Variants in PRKCZ observed in about 807,000 individuals in gnomAD.
The protein encoded by PRKCZ is protein kinase C zeta type.
In PRKCZ, 33 loss-of-function variants were observed where a neutral mutation model predicts 79.5. The ratio of observed to expected loss-of-function variants is 0.41; its 90% CI spans 0.31 to 0.55. The LOEUF (loss-of-function observed/expected upper bound fraction) is 0.55. Among genes scored for constraint, PRKCZ ranks in the 20% least tolerant of loss-of-function variants. The pLI, the probability that PRKCZ is intolerant of heterozygous loss-of-function variation, is 0.19. For missense variants in PRKCZ, 578 were observed against 813.5 expected (o/e 0.71, Z 3.52); for synonymous variants, 342 against 320.9 (o/e 1.07, Z -0.70).
At chr1:2,070,879 T>A (rs1322575442) in intron 4 of PRKCZ, among the ~76,000 whole-genome samples, 1 of 151,990 alleles carries the variant, frequency 6.6e-6, no homozygotes, top group Non-Finnish European at 1.5e-5. Flanking sequence ...GTGTCTCACT[T>A]GGAGCAATGG....
intron 3 of PRKCZ, among the ~76,000 whole-genome samples, chr1:2,057,395 C>T (rs1326288462): frequency 6.6e-6 from 1 of 152,236 alleles, no homozygotes; most frequent in Non-Finnish European, 1.5e-5. Flanking sequence ...TCTGTGTCCA[C>T]TTCTGGCGTA....
rs1212636134 is a variant in PRKCZ, at chr1:2,094,726, C to T, written c.334+35135C>T. 1.3e-5 allele frequency among the ~76,000 whole-genome samples: 2 copies of T among 151,550 alleles called. No homozygotes were observed. Among genetic ancestry groups the T allele is most frequent in the Non-Finnish European group, 2.9e-5 (2 of 67,884 alleles). On this transcript the variant is annotated intron_variant, in intron 4 of 17. Transcript: ENST00000378567. The surrounding 1 kb of genome is among the most constrained non-coding windows in gnomAD (Gnocchi z 7.3). ...GGCTCGTTGAACCTTGGGCGCTGCC[C>T]GTTCTGAGGCGCCCGCTGTGCCCGG...
At chr1:2,144,131 T>C (rs377283) in intron 5 of PRKCZ, 79 bp from the exon 6 acceptor site, 562,416 of 1,510,722 alleles carry the variant, frequency 0.37, 106,517 homozygotes, top group South Asian at 0.42. Context: ...TGAGAAGGTA[T>C]AGGTGTGGAA....
In PRKCZ at chr1:2,124,869, A is replaced by G. The variant is rs868352481; in HGVS notation, c.335-10393A>G. On this transcript the variant is annotated intron_variant, in intron 4 of 17. Coordinates refer to ENST00000378567, the MANE Select transcript of PRKCZ (RefSeq NM_002744.6). ...ACTTGTCTGGTCTCGGATGCCTCCA[A>G]CGCGGTTTTTACTTATTTTCCAGCT... Among the ~76,000 whole-genome samples, 45 of 152,042 alleles carry G rather than the reference A, an allele frequency of 3.0e-4. 1 individual carries two copies. The Middle Eastern group carries it at 0.01, about 34-fold the overall frequency.
At chr1:2,091,538 T>C (rs955908374) in intron 4 of PRKCZ, among the ~76,000 whole-genome samples, 4 of 152,078 alleles carry the variant, frequency 2.6e-5, no homozygotes, top group African/African-American at 9.7e-5. Flanking sequence ...ACTCCCGACT[T>C]TCTGTTCCTG....
intron 4 of PRKCZ, among the ~76,000 whole-genome samples, chr1:2,119,789 C>CT (rs61129873): frequency 0.43 from 57,979 of 136,268 alleles, 12,575 homozygotes; most frequent in East Asian, 0.54. Context: ...CTTTTCTTTT[C>CT]TTTTTTTTTT....
chr1:2,058,306 ATTTTTTTTT>A (rs35722361), intron 3 of PRKCZ, among the ~76,000 whole-genome samples: 13 of 125,350 alleles, frequency 1.0e-4, no homozygotes, highest in Non-Finnish European at 1.7e-4. Context: ...CCCGGCCCCA[ATTTTTTTTT>A]TTTTTTTTTT....
intron 4 of PRKCZ, among the ~76,000 whole-genome samples, chr1:2,083,959 C>T (rs897597216): frequency 1.3e-5 from 2 of 152,166 alleles, no homozygotes. Context: ...TGGCCGGGCG[C>T]GGTGGCTCAC....
chr1:2,076,491 C>T (rs1475068336), intron 4 of PRKCZ, among the ~76,000 whole-genome samples: 1 of 152,142 alleles, frequency 6.6e-6, no homozygotes, highest in Non-Finnish European at 1.5e-5. Context: ...GCCTGTATTA[C>T]CAGCACTTTG....
At chr1:2,147,480 CCACA>C (rs1472136857) in intron 7 of PRKCZ, among the ~76,000 whole-genome samples, 1 of 151,336 alleles carries the variant, frequency 6.6e-6, no homozygotes, top group Non-Finnish European at 1.5e-5. Context: ...CTCCATCTAT[CCACA>C]CATCTGTTGT....
intron 4 of PRKCZ, among the ~76,000 whole-genome samples, chr1:2,100,616 G>A (rs1005302996): frequency 6.6e-5 from 10 of 152,206 alleles, no homozygotes; most frequent in Non-Finnish European, 1.2e-4. Flanking sequence ...TGGGGTGTGC[G>A]AGCGGGGCCT....
At chr1:2,159,362 C>T (rs1681767287) in intron 10 of PRKCZ, among the ~76,000 whole-genome samples, 1 of 152,262 alleles carries the variant, frequency 6.6e-6, no homozygotes, top group Non-Finnish European at 1.5e-5. Context: ...TTTATGAGGA[C>T]TTCCTCTTTG....
At chr1:2,144,770 T>A in intron 6 of PRKCZ, 2 of 444,400 alleles carry the variant, frequency 4.5e-6, no homozygotes, top group Non-Finnish European at 6.1e-6. Context: ...GCCCAGCCTG[T>A]GATGAGGGCG....
intron 4 of PRKCZ, among the ~76,000 whole-genome samples, chr1:2,065,057 C>T (rs948097407): frequency 6.6e-6 from 1 of 152,146 alleles, no homozygotes; most frequent in Non-Finnish European, 1.5e-5. Flanking sequence ...TTGTACAAGT[C>T]TTTCACCCCC....
intron 4 of PRKCZ, among the ~76,000 whole-genome samples, chr1:2,099,896 G>A (rs1221710748): frequency 6.6e-6 from 1 of 152,218 alleles, no homozygotes. Context: ...CGGTGAAAGT[G>A]AGAAACTGAT....
In PRKCZ at chr1:2,084,504, C is replaced by T. The variant is rs181877816; in HGVS notation, c.334+24913C>T. Among the ~76,000 whole-genome samples, 688 of 152,338 alleles carry T rather than the reference C, an allele frequency of 4.5e-3. 3 individuals carry two copies. The highest frequency in any genetic ancestry group is 0.015 in the African/African-American group (616 of 41,572). ...TTCACCATATGGCAGAACACATGCG[C>T]GGCCGGCCGGCTCACAGATGGGCGT... On this transcript the variant is annotated intron_variant, in intron 4 of 17. Transcript: ENST00000378567.
rs188807335 is a variant in PRKCZ, at chr1:2,161,198, C to T, written c.974+5106C>T. ...CCTTTGTTCTGCCGACACACGGTGA[C>T]GGCTCAGCGGCCCCCTGATTTGCTC... On this transcript the variant is annotated intron_variant, in intron 10 of 17. Transcript: ENST00000378567. Among the ~76,000 whole-genome samples, 294 of 152,374 alleles carry T rather than the reference C, an allele frequency of 1.9e-3. 2 individuals are homozygous for T. The highest frequency in any genetic ancestry group is 6.8e-3 in the African/African-American group (284 of 41,598).
intron 9 of PRKCZ, among the ~76,000 whole-genome samples, chr1:2,152,555 CAA>C (rs909293068): frequency 6.6e-6 from 1 of 152,140 alleles, no homozygotes; most frequent in Non-Finnish European, 1.5e-5. Flanking sequence ...AATATGCAAA[CAA>C]AGTGTACAGT....
intron 3 of PRKCZ, among the ~76,000 whole-genome samples, chr1:2,056,829 T>C (rs1270759718): frequency 4.0e-5 from 6 of 151,178 alleles, no homozygotes; most frequent in South Asian, 4.2e-4. Flanking sequence ...CCTGGGTTCA[T>C]GCCATTCTCC....
Sources: allele counts gnomAD v4.1 joint callset (sites outside exome capture counted in the v4.1 genomes callset), GRCh38; gene constraint gnomAD v4.1.1; non-coding constraint Gnocchi (gnomAD v3.1); transcripts MANE v1.5; gene names NCBI Gene and HGNC (gene_info 2026-07-23, HGNC 2026-07-21).